CFAP70: variants seen among roughly 807,000 people sequenced by gnomAD.
CFAP70 encodes cilia- and flagella-associated protein 70.
CFAP70 carries 81 observed loss-of-function variants against 137.6 expected under a neutral mutation model. That is an observed-to-expected ratio of 0.59 (90% CI 0.49 to 0.71). The LOEUF is 0.71. Among genes scored for constraint, CFAP70 ranks in the 30% least tolerant of loss-of-function variants. The pLI, the probability that CFAP70 is intolerant of heterozygous loss-of-function variation, is 0.00. For missense variants in CFAP70, 976 were observed against 1,226.7 expected, an observed-to-expected ratio of 0.80 and a Z score of 3.05; for synonymous variants, 382 against 423.6, an observed-to-expected ratio of 0.90 and a Z score of 1.20.
intron 9 of CFAP70, among the ~76,000 whole-genome samples, chr10:73,316,248 A>C (rs2050324738): frequency 6.6e-6 from 1 of 151,904 alleles, no homozygotes; most frequent in African/African-American, 2.4e-5. Context: ...ATATAGTTGA[A>C]TCTTGATTTT....
chr10:73,342,202 A>G (rs1264413087), intron 5 of CFAP70, among the ~76,000 whole-genome samples: 1 of 152,192 alleles, frequency 6.6e-6, no homozygotes, highest in East Asian at 1.9e-4. Context: ...TTAAACAAAA[A>G]CATGCTATGT....
At chr10:73,278,874 G>T (rs1034492625) in intron 19 of CFAP70, among the ~76,000 whole-genome samples, 1 of 151,680 alleles carries the variant, frequency 6.6e-6, no homozygotes, top group African/African-American at 2.4e-5. Flanking sequence ...CCAGCTACTC[G>T]GGAGGCTGAG....
rs1349010442 is a variant in CFAP70, at chr10:73,283,620, G to A, written c.2240-5283C>T. Among the ~76,000 whole-genome samples the A allele has an allele frequency of 2.6e-5, 4 of 152,146 alleles. No individual in the cohort carries two copies. In the East Asian group the frequency reaches 7.7e-4, roughly 29 times the overall value. Reference sequence around the variant, plus strand: ...CTCAATTGATTTTCTTTGCTCTGGAGTCTTCTTTGTCCATTATTAACACAG... The same window carrying A: ...CTCAATTGATTTTCTTTGCTCTGGAATCTTCTTTGTCCATTATTAACACAG... On this transcript the variant is annotated intron_variant, in intron 19 of 26. Coordinates refer to ENST00000310715, the Ensembl canonical transcript of CFAP70.
intron 9 of CFAP70, among the ~76,000 whole-genome samples, chr10:73,322,015 C>T (rs955738709): frequency 3.3e-5 from 5 of 152,190 alleles, no homozygotes; most frequent in African/African-American, 9.7e-5. Context: ...AACTCTTGGC[C>T]TCAGGCAATC....
intron 6 of CFAP70, among the ~76,000 whole-genome samples, chr10:73,337,280 A>G (rs2052759434): frequency 6.6e-6 from 1 of 152,022 alleles, no homozygotes; most frequent in Admixed American, 6.6e-5. Context: ...CAGGAGTTTG[A>G]AACCAGCCTG....
intron 12 of CFAP70, among the ~76,000 whole-genome samples, chr10:73,309,704 C>T (rs963111928): frequency 4.1e-5 from 6 of 146,978 alleles, no homozygotes; most frequent in Admixed American, 1.4e-4. Context: ...TCTCTCAGGC[C>T]GGAGTGCAGT....
chr10:73,353,840 C>A, intron 2 of CFAP70, 98 bp from the exon 3 acceptor site: 1 of 1,120,390 alleles, frequency 8.9e-7, no homozygotes, highest in South Asian at 1.5e-5. Context: ...TAGCATTTTT[C>A]ATTTTTTCCT....
intron 8 of CFAP70, among the ~76,000 whole-genome samples, chr10:73,325,523 T>A (rs1198243279): frequency 2.0e-5 from 3 of 152,174 alleles, no homozygotes; most frequent in Non-Finnish European, 4.4e-5. Flanking sequence ...AATGCTCCAA[T>A]TAAAAGACAC....
chr10:73,347,920 C>G (rs945040038), intron 4 of CFAP70, among the ~76,000 whole-genome samples: 1 of 152,202 alleles, frequency 6.6e-6, no homozygotes, highest in African/African-American at 2.4e-5. Context: ...GCTCTATGCC[C>G]ATGTGCCTCA....
chr10:73,275,230 C>T lies in CFAP70; in HGVS notation c.2673+216G>A, dbSNP rs1296806377. On this transcript the variant is annotated intron_variant, in intron 22 of 26. Transcript: ENST00000310715. The surrounding 1 kb of genome is among the most constrained non-coding windows in gnomAD (Gnocchi z 4.0). ...TCCTGACCTCGTGATCTGCCTGCCT[C>T]GGCCTCCCAAAGTGCTGCGATTACA... 2.6e-5 allele frequency: 8 copies of T among 305,326 alleles called. No individual in the cohort carries two copies. The highest frequency in any genetic ancestry group is 6.6e-5 in the African/African-American group (3 of 45,660). 18.9% of individuals were successfully genotyped at this position (305,326 alleles called of 1,614,324 possible).
intron 5 of CFAP70, among the ~76,000 whole-genome samples, chr10:73,344,454 A>G (rs1267610546): frequency 6.6e-6 from 1 of 152,248 alleles, no homozygotes. Flanking sequence ...GTGATCAGCC[A>G]TCTCATTTGC....
At chr10:73,344,481 T>C (rs2053540772) in intron 5 of CFAP70, among the ~76,000 whole-genome samples, 1 of 152,226 alleles carries the variant, frequency 6.6e-6, no homozygotes, top group South Asian at 2.1e-4. Context: ...CTGTCCCAGT[T>C]GTGGTGCTGA....
chr10:73,314,942 G>A (rs1037603053), intron 9 of CFAP70, among the ~76,000 whole-genome samples: 3 of 151,108 alleles, frequency 2.0e-5, no homozygotes, highest in African/African-American at 4.8e-5. Flanking sequence ...GGCTGGGCAC[G>A]GTTACTCACA....
At chr10:73,261,810 C>G (rs922409188) in intron 25 of CFAP70, among the ~76,000 whole-genome samples, 6 of 151,918 alleles carry the variant, frequency 3.9e-5, no homozygotes, top group African/African-American at 1.2e-4. Context: ...CCTGGCCTAT[C>G]TTTTTGATTT....
intron 3 of CFAP70, among the ~76,000 whole-genome samples, chr10:73,350,621 A>T (rs181063684): frequency 0.01 from 1,555 of 151,626 alleles, 24 homozygotes; most frequent in African/African-American, 0.027. Flanking sequence ...ATATATATAT[A>T]TTTTTTTTCT....
chr10:73,354,505 A>G (rs1159973505), intron 2 of CFAP70, among the ~76,000 whole-genome samples: 1 of 152,216 alleles, frequency 6.6e-6, no homozygotes, highest in African/African-American at 2.4e-5. Context: ...AGGGAAACTA[A>G]AACCACTGTT....
At chr10:73,281,571 C>G (rs2131817387) in intron 19 of CFAP70, among the ~76,000 whole-genome samples, 1 of 152,132 alleles carries the variant, frequency 6.6e-6, no homozygotes, top group Admixed American at 6.5e-5. Context: ...TTGCTGATTT[C>G]CATGACGTAA....
intron 12 of CFAP70, among the ~76,000 whole-genome samples, chr10:73,305,104 G>A (rs1310001307): frequency 1.3e-5 from 2 of 152,324 alleles, no homozygotes; most frequent in African/African-American, 2.4e-5. Context: ...AGGAAGCAGA[G>A]CAGACCTTAT....
intron 4 of CFAP70, among the ~76,000 whole-genome samples, chr10:73,346,108 A>G (rs2053679578): frequency 1.3e-5 from 2 of 151,648 alleles, no homozygotes; most frequent in Non-Finnish European, 2.9e-5. Context: ...CATATTGGCC[A>G]GGCTGGTCTC....
Sources: allele counts gnomAD v4.1 joint callset (sites outside exome capture counted in the v4.1 genomes callset), GRCh38; gene constraint gnomAD v4.1.1; non-coding constraint Gnocchi (gnomAD v3.1); transcripts MANE v1.5; gene names NCBI Gene and HGNC (gene_info 2026-07-23, HGNC 2026-07-21).